BRDT: variants seen among roughly 807,000 people sequenced by gnomAD.
BRDT encodes bromodomain testis-specific protein.
Under a neutral mutation model 113.9 loss-of-function variants are expected in BRDT, and 77 were observed. The ratio of observed to expected loss-of-function variants is 0.68; its 90% CI spans 0.56 to 0.82. The LOEUF (loss-of-function observed/expected upper bound fraction) is 0.82, where lower values mean the gene tolerates loss of function less well. Among genes scored for constraint, BRDT ranks in the 40% least tolerant of loss-of-function variants. BRDT has a pLI of 0.00. For synonymous variants in BRDT, 358 were observed against 366.5 expected (o/e 0.98, Z 0.26); for missense variants, 1,027 against 1,105.4 (o/e 0.93, Z 1.01).
chr1:91,951,826 T>G lies in BRDT; in HGVS notation c.-38+2144T>G, dbSNP rs192875987. Among the ~76,000 whole-genome samples, 76 of 151,680 alleles carry G rather than the reference T, an allele frequency of 5.0e-4. No individual in the cohort carries two copies. In the East Asian group the frequency reaches 0.012, roughly 24 times the overall value. Reference sequence around the variant, plus strand: ...AATCCCAGCACTTTGGCAAGTTGAGTTGGGCAGCCAGGAGTTCAAGACAAG... The same window carrying G: ...AATCCCAGCACTTTGGCAAGTTGAGGTGGGCAGCCAGGAGTTCAAGACAAG... On this transcript the variant is annotated intron_variant, in intron 1 of 18. Transcript: ENST00000399546.
chr1:91,966,028 A>T (rs1018077370), intron 3 of BRDT, among the ~76,000 whole-genome samples: 77 of 151,982 alleles, frequency 5.1e-4, no homozygotes, highest in African/African-American at 1.7e-3. Flanking sequence ...ATTTTATTTT[A>T]TTTTTTTATT....
At chr1:91,969,696 T>G (rs1683420371) in intron 4 of BRDT, among the ~76,000 whole-genome samples, 1 of 152,102 alleles carries the variant, frequency 6.6e-6, no homozygotes, top group African/African-American at 2.4e-5. Context: ...AGGTAAAAAT[T>G]ATTGATCTTT....
chr1:91,968,141 T>C lies in BRDT; in HGVS notation c.331-5T>C, dbSNP rs766048850. The C allele has an allele frequency of 5.0e-6, 8 of 1,613,626 alleles. No homozygotes were observed. Among genetic ancestry groups the C allele is most frequent in the Non-Finnish European group, 5.1e-6 (6 of 1,179,796 alleles). On this transcript the variant is annotated splice_polypyrimidine_tract_variant and splice_region_variant and intron_variant, in intron 3 of 18. Transcript: ENST00000399546. ...TCCTTATGGTATATTTAATATATTTTGTAGCCTGGAGATGACATTGTTCTT... is the reference window on the plus strand; with the variant it reads ...TCCTTATGGTATATTTAATATATTTCGTAGCCTGGAGATGACATTGTTCTT...
intron 2 of BRDT, among the ~76,000 whole-genome samples, chr1:91,964,147 G>A (rs2101580021): frequency 1.3e-5 from 2 of 152,232 alleles, no homozygotes; most frequent in African/African-American, 4.8e-5. Flanking sequence ...TGCAACCTCT[G>A]CCTCCCAGGT....
At chr1:91,974,159 T>C (rs1432808191) in intron 4 of BRDT, among the ~76,000 whole-genome samples, 1 of 152,174 alleles carries the variant, frequency 6.6e-6, no homozygotes, top group African/African-American at 2.4e-5. Context: ...GACTTAAACG[T>C]TAGACCTAAA....
intron 18 of BRDT, among the ~76,000 whole-genome samples, chr1:92,008,513 T>A (rs1687532761): frequency 6.6e-6 from 1 of 152,192 alleles, no homozygotes. Context: ...AGCCTTAGTA[T>A]AATCAAGTAA....
chr1:91,994,088 A>C lies in BRDT; in HGVS notation c.2121A>C (p.Gly707=). The change falls in exon 15 of 19, where the codon GGA becomes GGC. Residue 707 remains glycine, a synonymous_variant. Transcript: ENST00000399546. Reference sequence around the variant, plus strand: ...CTTTGATTTTGTTTTAACAGATAGGATATTGTGTGCAAGACACAACCTCTG... The same window carrying C: ...CTTTGATTTTGTTTTAACAGATAGGCTATTGTGTGCAAGACACAACCTCTG... ...PEGRTGVTQI[G]YCVQDTTSAN... 1 of 1,603,698 alleles carries C rather than the reference A, an allele frequency of 6.2e-7. No individual in the cohort carries two copies. The highest frequency in any genetic ancestry group is 8.5e-7 in the Non-Finnish European group (1 of 1,176,798).
intron 1 of BRDT, among the ~76,000 whole-genome samples, chr1:91,959,419 C>CTTTTTTTTTTTTTTTTTTTTT (rs11346071): frequency 8.9e-6 from 1 of 112,792 alleles, no homozygotes; most frequent in Non-Finnish European, 1.9e-5. Flanking sequence ...CTTTTTCTTT[C>CTTTTTTTTTTTTTTTTTTTTT]TTTTTTTTTT....
At chr1:91,983,334 A>G (rs35322567) in intron 12 of BRDT, among the ~76,000 whole-genome samples, 1 of 140,990 alleles carries the variant, frequency 7.1e-6, no homozygotes, top group African/African-American at 2.8e-5. Context: ...GCGCTATCTT[A>G]GCTCACTGCA....
In BRDT at chr1:91,978,179, T is replaced by C; in HGVS notation, c.981T>C (p.Asp327=). 1 of 1,612,034 alleles carries C rather than the reference T, an allele frequency of 6.2e-7. No individual in the cohort carries two copies. The highest frequency in any genetic ancestry group is 8.5e-7 in the Non-Finnish European group (1 of 1,178,776). Residue 327 remains aspartate (D), a synonymous_variant, in exon 7 of 19, where the codon GAT becomes GAC. Transcript: ENST00000399546. ...MDLGTIKEKM[D]NQEYKDAYKF... ...TTTCTTTAATTTAGGAGAAAATGGA[T>C]AACCAAGAATATAAGGATGCATACA... is the stretch of plus-strand genomic sequence containing the variant.
intron 12 of BRDT, among the ~76,000 whole-genome samples, chr1:91,989,897 C>T (rs1034456775): frequency 4.5e-4 from 68 of 152,164 alleles, no homozygotes; most frequent in African/African-American, 1.6e-3. Context: ...GAGGAAAGAA[C>T]AGTAACACAT....
At chr1:91,957,871 C>A (rs925177410) in intron 1 of BRDT, among the ~76,000 whole-genome samples, 1 of 152,036 alleles carries the variant, frequency 6.6e-6, no homozygotes, top group Non-Finnish European at 1.5e-5. Flanking sequence ...TTGAGAGAGT[C>A]TTGCTGTGTC....
At chr1:91,954,824 G>A (rs1351325843) in intron 1 of BRDT, among the ~76,000 whole-genome samples, 1 of 152,042 alleles carries the variant, frequency 6.6e-6, no homozygotes, top group Non-Finnish European at 1.5e-5. Flanking sequence ...TTAGCCAGGT[G>A]TGGTGGCATG....
In BRDT at chr1:91,977,399, T is replaced by C. The variant is rs777004717; in HGVS notation, c.969+6T>C. On this transcript the variant is annotated splice_donor_region_variant and intron_variant, in intron 6 of 18. Coordinates refer to ENST00000399546, the MANE Select transcript of BRDT (RefSeq NM_207189.4). Reference sequence around the variant, plus strand: ...TGGATCTTGGAACTATTAAGGTAAATGTTGCCTTAAAAGGAAGAACTTCTT... The same window carrying C: ...TGGATCTTGGAACTATTAAGGTAAACGTTGCCTTAAAAGGAAGAACTTCTT... 1 of 1,512,740 alleles carries C rather than the reference T, an allele frequency of 6.6e-7. No homozygotes were observed. Among genetic ancestry groups the C allele is most frequent in the East Asian group, 2.3e-5 (1 of 42,722 alleles). 93.7% of individuals were successfully genotyped at this position (1,512,740 alleles called of 1,614,324 possible).
intron 6 of BRDT, among the ~76,000 whole-genome samples, chr1:91,977,861 C>A (rs928969665): frequency 6.6e-6 from 1 of 151,958 alleles, no homozygotes; most frequent in Non-Finnish European, 1.5e-5. Flanking sequence ...CAGAGGGAAA[C>A]TCTGTCTCAA....
intron 12 of BRDT, among the ~76,000 whole-genome samples, chr1:91,988,944 T>TTTTTTTAATTAAAA (rs1553193503): frequency 2.0e-5 from 3 of 152,164 alleles, no homozygotes; most frequent in Non-Finnish European, 4.4e-5. Context: ...GGTGTTTTTA[T>TTTTTTTAATTAAAA]TTTTTTAATT....
At chr1:92,008,554 C>T (rs1213595736) in intron 18 of BRDT, among the ~76,000 whole-genome samples, 1 of 152,138 alleles carries the variant, frequency 6.6e-6, no homozygotes, top group Non-Finnish European at 1.5e-5. Flanking sequence ...ATTCATTCTT[C>T]GTGTTGTACT....
intron 1 of BRDT, among the ~76,000 whole-genome samples, chr1:91,958,805 AG>A (rs552083170): frequency 1.1e-4 from 17 of 152,186 alleles, no homozygotes; most frequent in Non-Finnish European, 8.8e-5. Flanking sequence ...CTGTAATTCC[AG>A]CACTTTGGGA....
At chr1:91,952,637 C>A (rs761733366) in intron 1 of BRDT, among the ~76,000 whole-genome samples, 1 of 152,050 alleles carries the variant, frequency 6.6e-6, no homozygotes, top group Non-Finnish European at 1.5e-5. Context: ...ACCAGGCCAT[C>A]TGTTGAAGAT....
Sources: allele counts gnomAD v4.1 joint callset (sites outside exome capture counted in the v4.1 genomes callset), GRCh38; gene constraint gnomAD v4.1.1; transcripts MANE v1.5; gene names NCBI Gene and HGNC (gene_info 2026-07-23, HGNC 2026-07-21).